Variants in IRAK2 observed in about 807,000 individuals in gnomAD.
The protein encoded by IRAK2 is interleukin 1 receptor associated kinase 2.
A neutral mutation model predicts 72.0 loss-of-function variants in IRAK2; 57 were observed. That is an observed-to-expected ratio of 0.79 (90% confidence interval 0.64 to 0.99). The LOEUF is 0.99. Among genes scored for constraint, IRAK2 ranks in the 50% least tolerant of loss-of-function variants. The probability of loss-of-function intolerance (pLI) is 0.00; values close to 1 mark genes in which losing one functional copy is unlikely to be tolerated. For missense variants in IRAK2, 790 were observed against 794.4 expected, an observed-to-expected ratio of 0.99 and a Z score of 0.07; for synonymous variants, 293 against 312.7, an observed-to-expected ratio of 0.94 and a Z score of 0.67.
chr3:10,228,355 C>T (rs146693150), intron 10 of IRAK2, among the ~76,000 whole-genome samples: 2 of 152,256 alleles, frequency 1.3e-5, no homozygotes, highest in African/African-American at 2.4e-5. Context: ...TTGATGAACT[C>T]TGTGAGTTCC....
In IRAK2 at chr3:10,172,198, G is replaced by A. The variant is rs537946432; in HGVS notation, c.95-5640G>A. ...ATCCTGGCTAACACAGTGAAACCCC[G>A]TTTCTACTAAAAAAAAAAATTAGCC... is the stretch of plus-strand genomic sequence containing the variant. On this transcript the variant is annotated intron_variant, in intron 1 of 12. Coordinates refer to ENST00000256458, the MANE Select transcript of IRAK2 (RefSeq NM_001570.4). 1.3e-3 allele frequency among the ~76,000 whole-genome samples: 189 copies of A among 151,066 alleles called. 2 individuals are homozygous for A. Among genetic ancestry groups the A allele is most frequent in the African/African-American group, 4.2e-3 (172 of 41,184 alleles).
intron 8 of IRAK2, among the ~76,000 whole-genome samples, chr3:10,221,378 A>C (rs954018677): frequency 4.9e-4 from 71 of 145,350 alleles, no homozygotes; most frequent in African/African-American, 1.6e-3. Context: ...CTCAGCCTCC[A>C]GAGTAGCTGG....
chr3:10,200,548 C>A, intron 3 of IRAK2, 33 bp downstream of exon 3: 1 of 1,525,878 alleles, frequency 6.6e-7, no homozygotes, highest in South Asian at 1.2e-5. Flanking sequence ...ACTTAAAGCA[C>A]TTTTATTTAA....
chr3:10,227,146 T>TA (rs1697791656), intron 10 of IRAK2, among the ~76,000 whole-genome samples: 1 of 152,056 alleles, frequency 6.6e-6, no homozygotes, highest in Admixed American at 6.6e-5. Flanking sequence ...CACAGTCATT[T>TA]AAAAAATATA....
intron 1 of IRAK2, among the ~76,000 whole-genome samples, chr3:10,175,187 G>A (rs547172818): frequency 6.6e-6 from 1 of 151,930 alleles, no homozygotes; most frequent in East Asian, 2.0e-4. Context: ...GCAGTGGCAC[G>A]ATCTCAGCTC....
chr3:10,241,355 C>T (rs371640119), intron 12 of IRAK2, among the ~76,000 whole-genome samples: 8 of 147,648 alleles, frequency 5.4e-5, no homozygotes, highest in African/African-American at 2.0e-4. Flanking sequence ...GTCAGGAGAT[C>T]GAGACCATCC....
chr3:10,216,980 A>C lies in IRAK2; in HGVS notation c.835A>C (p.Arg279=). ...ACCTGTGCTGGGCTTCTGTGCTGCA[A>C]GACAGTTTCACAGCTTCATCTACCC... ...VLPVLGFCAA[R]QFHSFIYPYM... Residue 279 remains arginine, a synonymous_variant, in exon 7 of 13, where the codon AGA becomes CGA. Coordinates refer to ENST00000256458, the MANE Select transcript of IRAK2 (RefSeq NM_001570.4). The C allele has an allele frequency of 6.2e-7, 1 of 1,614,168 alleles. No homozygotes were observed. The highest frequency in any genetic ancestry group is 8.5e-7 in the Non-Finnish European group (1 of 1,180,032).
Position 10,164,924 on chromosome 3 carries a change from T to TC in IRAK2, c.-28dup. 1.3e-6 allele frequency: 2 copies of TC among 1,529,662 alleles called. No homozygotes were observed. Among genetic ancestry groups the TC allele is most frequent in the Non-Finnish European group, 1.8e-6 (2 of 1,124,588 alleles). 94.8% of individuals were successfully genotyped at this position (1,529,662 alleles called of 1,614,324 possible). On this transcript the variant is annotated 5_prime_UTR_variant, in exon 1 of 13. Coordinates refer to ENST00000256458, the MANE Select transcript of IRAK2 (RefSeq NM_001570.4). ...CAGCCCGCAGTGTCCGACCCAGTCG[T>TC]CCCGCGCCGGAGCCGGCCCCGTAGC...
chr3:10,167,880 C>T (rs1440161327), intron 1 of IRAK2, among the ~76,000 whole-genome samples: 1 of 152,196 alleles, frequency 6.6e-6, no homozygotes, highest in Non-Finnish European at 1.5e-5. Context: ...ATGTAGCTCA[C>T]CGCAGCCCCA....
chr3:10,237,290 G>T (rs896411067), intron 11 of IRAK2, among the ~76,000 whole-genome samples: 1 of 152,088 alleles, frequency 6.6e-6, no homozygotes, highest in Admixed American at 6.6e-5. Context: ...GGGCACTTTA[G>T]GTGTAAGAAG....
chr3:10,192,922 A>G (rs1697200364), intron 2 of IRAK2, among the ~76,000 whole-genome samples: 1 of 152,056 alleles, frequency 6.6e-6, no homozygotes, highest in Non-Finnish European at 1.5e-5. Context: ...ATAGCAAATG[A>G]TGGTAGCTTA....
At chr3:10,237,984 TC>T in intron 11 of IRAK2, among the ~76,000 whole-genome samples, 1 of 141,760 alleles carries the variant, frequency 7.1e-6, no homozygotes, top group South Asian at 2.3e-4. Context: ...AAACATTCCT[TC>T]CTTGCTTCCG....
chr3:10,243,711 C>A lies in IRAK2; in HGVS notation c.*1483C>A, dbSNP rs907618884. ...TATTTAAAGTAATCTATAGTAATTT[C>A]TTTTTATATAATAAAAATATATTTG... On this transcript the variant is annotated 3_prime_UTR_variant, in exon 13 of 13. Coordinates refer to ENST00000256458, the MANE Select transcript of IRAK2 (RefSeq NM_001570.4). 1.3e-5 allele frequency: 2 copies of A among 151,614 alleles called. No individual in the cohort carries two copies. The highest frequency in any genetic ancestry group is 2.9e-5 in the Non-Finnish European group (2 of 68,028). 9.4% of individuals were successfully genotyped at this position (151,614 alleles called of 1,614,324 possible).
intron 3 of IRAK2, among the ~76,000 whole-genome samples, chr3:10,202,791 A>C (rs1697382314): frequency 6.7e-6 from 1 of 148,390 alleles, no homozygotes; most frequent in Admixed American, 6.8e-5. Context: ...TCCCTGGCTG[A>C]AGCAATCCTC....
At chr3:10,165,788 T>C (rs537867804) in intron 1 of IRAK2, among the ~76,000 whole-genome samples, 1 of 142,634 alleles carries the variant, frequency 7.0e-6, no homozygotes, top group Admixed American at 7.5e-5. Flanking sequence ...TGGAGTGCAG[T>C]GGCGCGATCT....
In IRAK2 at chr3:10,239,219, C is replaced by T. The variant is rs548517984; in HGVS notation, c.1765+180C>T. ...TCCTTGACACCTCCCTCTCCCTGCC[C>T]TGGACTGTGTCCGGTTAATCACCCA... On this transcript the variant is annotated intron_variant, in intron 12 of 12. Coordinates refer to ENST00000256458, the MANE Select transcript of IRAK2 (RefSeq NM_001570.4). Among the ~76,000 whole-genome samples the T allele has an allele frequency of 1.3e-3, 195 of 152,384 alleles. 1 individual carries two copies. The highest frequency in any genetic ancestry group is 4.6e-3 in the African/African-American group (191 of 41,590).
chr3:10,167,685 GATT>G (rs879362371), intron 1 of IRAK2, among the ~76,000 whole-genome samples: 9 of 152,184 alleles, frequency 5.9e-5, no homozygotes, highest in Non-Finnish European at 1.3e-4. Flanking sequence ...AAAGTGCTGG[GATT>G]ACAGGCGTGA....
In IRAK2 at chr3:10,166,680, T is replaced by G. The variant is rs189446951; in HGVS notation, c.94+1632T>G. Among the ~76,000 whole-genome samples the G allele has an allele frequency of 4.9e-3, 740 of 152,342 alleles. 2 individuals carry two copies. Among genetic ancestry groups the G allele is most frequent in the Non-Finnish European group, 8.2e-3 (561 of 68,028 alleles). On this transcript the variant is annotated intron_variant, in intron 1 of 12. Coordinates refer to ENST00000256458, the MANE Select transcript of IRAK2 (RefSeq NM_001570.4). ...TTATTTTTTTGAGACAGTCTCATTC[T>G]GTGGCCCAGGCTGGAATGCAGTGGC...
chr3:10,211,814 G>A (rs941200027), intron 4 of IRAK2, among the ~76,000 whole-genome samples: 10 of 151,966 alleles, frequency 6.6e-5, no homozygotes, highest in African/African-American at 2.4e-4. Flanking sequence ...GCGGTGGCTC[G>A]TGCCTGTAAT....
Sources: allele counts gnomAD v4.1 joint callset (sites outside exome capture counted in the v4.1 genomes callset), GRCh38; gene constraint gnomAD v4.1.1; transcripts MANE v1.5; gene names NCBI Gene and HGNC (gene_info 2026-07-23, HGNC 2026-07-21).